OXR1: variants seen among roughly 807,000 people sequenced by gnomAD.
OXR1 encodes oxidation resistance 1.
OXR1 carries 41 observed loss-of-function variants against 104.6 expected under a neutral mutation model. The observed-to-expected ratio is 0.39, with a 90% CI of 0.31 to 0.51. The LOEUF (loss-of-function observed/expected upper bound fraction) is 0.51. Among genes scored for constraint, OXR1 ranks in the 20% least tolerant of loss-of-function variants. OXR1 has a pLI of 0.77. For synonymous variants in OXR1, 348 were observed against 348.4 expected (o/e 1.00, Z 0.01); for missense variants, 955 against 1,031.9 (o/e 0.93, Z 1.02).
At chr8:106,312,959 C>A (rs1034842678) in intron 1 of OXR1, among the ~76,000 whole-genome samples, 10 of 151,986 alleles carry the variant, frequency 6.6e-5, no homozygotes, top group Non-Finnish European at 1.0e-4. Context: ...ATGTTTTGAA[C>A]CACATAGTAT....
At chr8:106,311,194 T>A (rs544005561) in intron 1 of OXR1, among the ~76,000 whole-genome samples, 2 of 152,146 alleles carry the variant, frequency 1.3e-5, no homozygotes, top group Admixed American at 6.6e-5. Flanking sequence ...ATTTCTGCTC[T>A]TCTTTTAAAT....
Position 106,352,066 on chromosome 8 carries a change from G to T in OXR1, c.-138-7410G>T, listed in dbSNP as rs140519303. On this transcript the variant is annotated intron_variant, in intron 1 of 16. Coordinates refer to ENST00000517566, the MANE Select transcript of OXR1 (RefSeq NM_001198533.2). The stretch of plus-strand genomic sequence containing the variant: ...GTGTTCCACCAAGAGCACTCAGTTT[G>T]CAGTGTATTGCAATGATGTATTAGA... 2.8e-4 allele frequency among the ~76,000 whole-genome samples: 43 copies of T among 152,242 alleles called. No individual in the cohort carries two copies. In the East Asian group the frequency reaches 7.0e-3, roughly 25 times the overall value.
chr8:106,295,273 A>G (rs1396143670), intron 1 of OXR1, among the ~76,000 whole-genome samples: 1 of 152,188 alleles, frequency 6.6e-6, no homozygotes, highest in East Asian at 1.9e-4. Context: ...TTTAGGATTT[A>G]AATGAGGATT....
intron 3 of OXR1, among the ~76,000 whole-genome samples, chr8:106,526,958 AG>A (rs887467331): frequency 1.3e-5 from 2 of 152,168 alleles, no homozygotes; most frequent in African/African-American, 4.8e-5. Flanking sequence ...GTAGTCATTC[AG>A]TGGGTGTTTA....
At chr8:106,703,624 A>G (rs942533127) in intron 8 of OXR1, among the ~76,000 whole-genome samples, 1 of 152,290 alleles carries the variant, frequency 6.6e-6, no homozygotes, top group African/African-American at 2.4e-5. Context: ...AAATATAAAG[A>G]GTTAACTTTG....
intron 3 of OXR1, among the ~76,000 whole-genome samples, chr8:106,665,198 G>A (rs1826151709): frequency 6.6e-6 from 1 of 152,038 alleles, no homozygotes; most frequent in Non-Finnish European, 1.5e-5. Context: ...TCAGGGCACA[G>A]TCACACACAC....
chr8:106,528,695 T>C (rs1379442539), intron 3 of OXR1, among the ~76,000 whole-genome samples: 1 of 152,166 alleles, frequency 6.6e-6, no homozygotes, highest in Non-Finnish European at 1.5e-5. Flanking sequence ...GTAACAATAC[T>C]ATAACAGGAG....
At chr8:106,302,958 T>C (rs940364435) in intron 1 of OXR1, among the ~76,000 whole-genome samples, 1 of 151,910 alleles carries the variant, frequency 6.6e-6, no homozygotes, top group African/African-American at 2.4e-5. Flanking sequence ...TTTCACCGTG[T>C]TAGCCAGGAT....
chr8:106,453,081 T>C (rs367725097), intron 2 of OXR1, among the ~76,000 whole-genome samples: 5 of 152,184 alleles, frequency 3.3e-5, no homozygotes, highest in African/African-American at 9.6e-5. Flanking sequence ...CGTAGAAGAA[T>C]GTACAATGAC....
intron 3 of OXR1, among the ~76,000 whole-genome samples, chr8:106,642,880 G>A (rs543681285): frequency 1.1e-4 from 16 of 152,286 alleles, no homozygotes; most frequent in South Asian, 2.1e-4. Flanking sequence ...TATCTTCTGC[G>A]TATTAGAAAG....
At chr8:106,655,372 T>G (rs1824962613) in intron 3 of OXR1, among the ~76,000 whole-genome samples, 1 of 152,096 alleles carries the variant, frequency 6.6e-6, no homozygotes, top group South Asian at 2.1e-4. Flanking sequence ...AGCAAGCTTT[T>G]TTTAAGGCTG....
chr8:106,476,600 A>C (rs1196076891), intron 2 of OXR1, among the ~76,000 whole-genome samples: 1 of 151,868 alleles, frequency 6.6e-6, no homozygotes, highest in Non-Finnish European at 1.5e-5. Flanking sequence ...TTTTCCCCCC[A>C]GAATAGGGCA....
chr8:106,422,276 A>G lies in OXR1; in HGVS notation c.23+62640A>G, dbSNP rs1423918783. Among the ~76,000 whole-genome samples, 3 of 152,266 alleles carry G rather than the reference A, an allele frequency of 2.0e-5. No homozygotes were observed. The East Asian group carries it at 5.8e-4, about 29-fold the overall frequency. On this transcript the variant is annotated intron_variant, in intron 2 of 16. Transcript: ENST00000517566. ...TAAAGAATTGATAAGCTCCACTACA[A>G]AGATACAAAGTCTGTGTCCTGTAGT... is the stretch of plus-strand genomic sequence containing the variant.
chr8:106,428,163 G>T (rs920758999), intron 2 of OXR1, among the ~76,000 whole-genome samples: 6 of 152,112 alleles, frequency 3.9e-5, no homozygotes, highest in Non-Finnish European at 8.8e-5. Context: ...GAAGCACAGG[G>T]ATACCATGGG....
At chr8:106,446,360 C>T (rs1386755203) in intron 2 of OXR1, among the ~76,000 whole-genome samples, 5 of 152,200 alleles carry the variant, frequency 3.3e-5, no homozygotes, top group South Asian at 2.1e-4. Flanking sequence ...TGGCTCACGC[C>T]TGTAATCCCA....
At chr8:106,646,131 A>C (rs1400751921) in intron 3 of OXR1, among the ~76,000 whole-genome samples, 2 of 151,182 alleles carry the variant, frequency 1.3e-5, no homozygotes, top group East Asian at 1.9e-4. Context: ...TTTGAGACAG[A>C]GTCTCACTCT....
At chr8:106,418,533 A>AT (rs34749617) in intron 2 of OXR1, among the ~76,000 whole-genome samples, 8 of 151,274 alleles carry the variant, frequency 5.3e-5, no homozygotes, top group South Asian at 2.1e-4. Context: ...TTTGTTGGTC[A>AT]TTTTTTTTTA....
At chr8:106,404,503 AG>A (rs1288901323) in intron 2 of OXR1, among the ~76,000 whole-genome samples, 2 of 152,164 alleles carry the variant, frequency 1.3e-5, no homozygotes, top group Admixed American at 1.3e-4. Flanking sequence ...CTATGGCTAC[AG>A]GAGTAACAGG....
chr8:106,462,865 T>G (rs1485471835), intron 2 of OXR1, among the ~76,000 whole-genome samples: 1 of 152,080 alleles, frequency 6.6e-6, no homozygotes, highest in Non-Finnish European at 1.5e-5. Flanking sequence ...ACAATATAGA[T>G]AAGTACACTT....
Sources: allele counts gnomAD v4.1 joint callset (sites outside exome capture counted in the v4.1 genomes callset), GRCh38; gene constraint gnomAD v4.1.1; transcripts MANE v1.5; gene names NCBI Gene and HGNC (gene_info 2026-07-23, HGNC 2026-07-21).